The following MTA3 variants were observed in gnomAD, a reference collection of about 807,000 sequenced individuals.
The protein encoded by MTA3 is metastasis-associated protein MTA3.
A neutral mutation model predicts 83.5 loss-of-function variants in MTA3; 34 were observed. The observed-to-expected ratio is 0.41, with a 90% CI of 0.31 to 0.54. The LOEUF (loss-of-function observed/expected upper bound fraction) is 0.54. Ranked by LOEUF, MTA3 falls within the 20% of genes least tolerant of loss-of-function variation. MTA3 has a pLI of 0.33. For missense variants in MTA3, 761 were observed against 726.4 expected (o/e 1.05, Z -0.55); for synonymous variants, 303 against 252.7 (o/e 1.20, Z -1.89).
At chr2:42,694,239 A>G (rs897959001) in intron 9 of MTA3, among the ~76,000 whole-genome samples, 10 of 152,018 alleles carry the variant, frequency 6.6e-5, no homozygotes, top group African/African-American at 2.2e-4. Context: ...GGGTGGTGCA[A>G]TCACTCCTTT....
intron 3 of MTA3, among the ~76,000 whole-genome samples, chr2:42,579,589 G>C (rs1043089251): frequency 1.3e-5 from 2 of 151,814 alleles, no homozygotes; most frequent in African/African-American, 4.8e-5. Flanking sequence ...ACCAGGCCTG[G>C]CCTAGTATAT....
chr2:42,712,991 T>C (rs1666750984), intron 14 of MTA3: 1 of 152,192 alleles, frequency 6.6e-6, no homozygotes, highest in Non-Finnish European at 1.5e-5. Context: ...ATCTACAGAA[T>C]CATCCAAACA....
intron 11 of MTA3, chr2:42,703,341 C>G (rs1404864987): frequency 6.6e-6 from 1 of 152,180 alleles, no homozygotes; most frequent in Non-Finnish European, 1.5e-5. Flanking sequence ...GAGTGGTCAT[C>G]ATGAGTGGCC....
At chr2:42,650,267 C>T (rs1244040365) in intron 6 of MTA3, among the ~76,000 whole-genome samples, 1 of 152,088 alleles carries the variant, frequency 6.6e-6, no homozygotes, top group Non-Finnish European at 1.5e-5. Flanking sequence ...TGGGAAGGGG[C>T]ACCTAGTGGA....
chr2:42,591,962 C>T (rs1311285710), intron 3 of MTA3, among the ~76,000 whole-genome samples: 6 of 150,288 alleles, frequency 4.0e-5, no homozygotes, highest in African/African-American at 1.5e-4. Context: ...AGCTTTTTTC[C>T]TATTAAGAAA....
chr2:42,617,633 G>A lies in MTA3; in HGVS notation c.317+8049G>A, dbSNP rs148893093. 3.6e-3 allele frequency among the ~76,000 whole-genome samples: 541 copies of A among 152,052 alleles called. 3 individuals are homozygous for A. Among genetic ancestry groups the A allele is most frequent in the African/African-American group, 0.012 (479 of 41,500 alleles). On this transcript the variant is annotated intron_variant, in intron 4 of 16. Coordinates refer to ENST00000405094, the MANE Select transcript of MTA3 (RefSeq NM_001330442.2). ...CTCTACTAAAAATACAAAATTAGCC[G>A]GGCCTGGTGGCGCATGCCTGTAATC...
intron 2 of MTA3, among the ~76,000 whole-genome samples, chr2:42,532,303 T>G (rs1353865806): frequency 1.3e-5 from 2 of 152,118 alleles, no homozygotes; most frequent in Non-Finnish European, 2.9e-5. Flanking sequence ...TTGAGGTCAG[T>G]AGTTCAAGAC....
intron 4 of MTA3, among the ~76,000 whole-genome samples, chr2:42,638,862 C>G (rs1332843461): frequency 6.7e-6 from 1 of 148,410 alleles, no homozygotes; most frequent in Non-Finnish European, 1.5e-5. Flanking sequence ...CTACAGTGAT[C>G]ACCAGAAAAA....
chr2:42,597,375 C>CTTTTTTTTT (rs35943826), intron 3 of MTA3, among the ~76,000 whole-genome samples: 2 of 108,456 alleles, frequency 1.8e-5, no homozygotes, highest in Admixed American at 1.1e-4. Context: ...GACAAGTTAT[C>CTTTTTTTTT]TTTTTTTTTT....
At chr2:42,523,217 C>CA (rs1348284852) in intron 2 of MTA3, among the ~76,000 whole-genome samples, 3 of 152,156 alleles carry the variant, frequency 2.0e-5, no homozygotes, top group Non-Finnish European at 4.4e-5. Flanking sequence ...TCCCTGCCAC[C>CA]ATGGGGTTGG....
intron 4 of MTA3, among the ~76,000 whole-genome samples, chr2:42,633,666 C>T (rs1000191980): frequency 7.9e-5 from 12 of 151,934 alleles, no homozygotes; most frequent in South Asian, 2.1e-4. Flanking sequence ...CCGAGGCGGG[C>T]GGATCACAAG....
At chr2:42,600,237 G>A (rs1161818279) in intron 3 of MTA3, among the ~76,000 whole-genome samples, 2 of 151,988 alleles carry the variant, frequency 1.3e-5, no homozygotes, top group Admixed American at 6.6e-5. Flanking sequence ...GCTTGTGGTT[G>A]TCTGTCTTTT....
At chr2:42,636,813 G>T (rs1687250311) in intron 4 of MTA3, among the ~76,000 whole-genome samples, 2 of 151,738 alleles carry the variant, frequency 1.3e-5, no homozygotes, top group South Asian at 2.1e-4. Context: ...TTTTAGTAGA[G>T]ACAGGGCTTC....
chr2:42,677,885 A>G (rs1691527898), intron 8 of MTA3, among the ~76,000 whole-genome samples: 1 of 152,214 alleles, frequency 6.6e-6, no homozygotes, highest in Non-Finnish European at 1.5e-5. Flanking sequence ...TCTCTCACAC[A>G]CACAAATATC....
At position 42,740,550 on chromosome 2, in the gene MTA3, C is replaced by G. The variant is rs573440561; in HGVS notation, c.1760-12824C>G. On this transcript the variant is annotated intron_variant, in intron 16 of 16. Coordinates refer to ENST00000405094, the MANE Select transcript of MTA3 (RefSeq NM_001330442.2). ...CAGTGAATGAATCCATTCATTCATC[C>G]ATCCGTTCATCCATCCTAGAATGGA... Among the ~76,000 whole-genome samples the G allele has an allele frequency of 2.5e-3, 382 of 152,342 alleles. 4 individuals carry two copies. The highest frequency in any genetic ancestry group is 2.0e-3 in the Non-Finnish European group (133 of 68,032).
At chr2:42,502,886 C>T (rs552977434) in intron 2 of MTA3, among the ~76,000 whole-genome samples, 15 of 151,160 alleles carry the variant, frequency 9.9e-5, no homozygotes, top group African/African-American at 2.4e-4. Flanking sequence ...TCACTTAAAC[C>T]GGGAGACAGA....
chr2:42,594,728 A>ATATATTTTTTTTTT lies in MTA3; in HGVS notation c.191-14729_191-14728insATATTTTTTTTTTT. 1.1e-3 allele frequency among the ~76,000 whole-genome samples: 26 copies of ATATATTTTTTTTTT among 24,040 alleles called. 1 individual carries two copies. The highest frequency in any genetic ancestry group is 4.4e-3 in the Admixed American group (5 of 1,132). The allele number at this position is 24,040 out of a possible 152,430, so 15.8% of individuals were successfully genotyped here. Reference sequence around the variant, plus strand: ...TACATATATATATATATATATATATATTTTTTTTTTTTTTTTGAGACAGAG... The same window carrying ATATATTTTTTTTTT: ...TACATATATATATATATATATATATATATATTTTTTTTTTTTTTTTTTTTTTTTTTGAGACAGAG... On this transcript the variant is annotated intron_variant, in intron 3 of 16. Coordinates refer to ENST00000405094, the MANE Select transcript of MTA3 (RefSeq NM_001330442.2).
chr2:42,514,682 C>CTGTTTTTTTTTTTTT (rs1675057151), intron 2 of MTA3, among the ~76,000 whole-genome samples: 1 of 53,492 alleles, frequency 1.9e-5, no homozygotes, highest in Admixed American at 3.4e-4. Context: ...CGCCCAGCCC[C>CTGTTTTTTTTTTTTT]TTTTTTTTTT....
intron 8 of MTA3, among the ~76,000 whole-genome samples, chr2:42,671,956 C>T (rs1200913554): frequency 6.6e-6 from 1 of 152,172 alleles, no homozygotes; most frequent in Admixed American, 6.5e-5. Flanking sequence ...AAAATACCCT[C>T]ATGATAAAGG....
Sources: gnomAD v4.1 joint callset for allele counts (sites outside exome capture counted in the v4.1 genomes callset) on GRCh38, gnomAD v4.1.1 for gene constraint, MANE v1.5 for transcripts, NCBI Gene and HGNC (gene_info 2026-07-23, HGNC 2026-07-21) for gene names.